EYA1: variants seen among roughly 807,000 people sequenced by gnomAD.
EYA1 encodes EYA transcriptional coactivator and phosphatase 1.
A neutral mutation model predicts 82.0 loss-of-function variants in EYA1; 16 were observed. The observed-to-expected ratio is 0.20, with a 90% CI of 0.13 to 0.30. The LOEUF (loss-of-function observed/expected upper bound fraction) is 0.30, where lower values mean the gene tolerates loss of function less well. Among genes scored for constraint, EYA1 ranks in the 10% least tolerant of loss-of-function variants. The probability of loss-of-function intolerance (pLI) is 1.00; values close to 1 mark genes in which losing one functional copy is unlikely to be tolerated. For missense variants in EYA1, 633 were observed against 730.7 expected (o/e 0.87, Z 1.54); for synonymous variants, 261 against 264.4 (o/e 0.99, Z 0.12).
At chr8:71,331,279 CACACACAT>C (rs1271262815) in intron 4 of EYA1, among the ~76,000 whole-genome samples, 4 of 124,856 alleles carry the variant, frequency 3.2e-5, no homozygotes, top group African/African-American at 1.2e-4. Flanking sequence ...CACACACACA[CACACACAT>C]ATATATACAT....
At position 71,544,817 on chromosome 8, in the gene EYA1, G is replaced by A. The variant is rs185715912; in HGVS notation, c.-73+3047C>T. On this transcript the variant is annotated intron_variant, in intron 1 of 18. Coordinates refer to the EYA1 transcript ENST00000643681. ...TCTGCAAATGGCCTGTTTTCAAGTC[G>A]TAATTCTGCTGTTCTATATTTGGGA... Among the ~76,000 whole-genome samples, 398 of 152,244 alleles carry A rather than the reference G, an allele frequency of 2.6e-3. 2 individuals are homozygous for A. The highest frequency in any genetic ancestry group is 9.1e-3 in the African/African-American group (377 of 41,542).
At chr8:71,284,612 A>C (rs1031296912) in intron 9 of EYA1, among the ~76,000 whole-genome samples, 5 of 152,212 alleles carry the variant, frequency 3.3e-5, no homozygotes, top group Admixed American at 6.5e-5. Context: ...GCTCTAAGTC[A>C]ATAGTTCAAA....
chr8:71,521,924 G>C (rs1813428911), intron 2 of EYA1, among the ~76,000 whole-genome samples: 1 of 152,100 alleles, frequency 6.6e-6, no homozygotes, highest in Non-Finnish European at 1.5e-5. Flanking sequence ...AAAAGAAACA[G>C]GATAAGTTCC....
chr8:71,264,768 C>A (rs137963752), intron 11 of EYA1, among the ~76,000 whole-genome samples: 31 of 151,602 alleles, frequency 2.0e-4, no homozygotes, highest in African/African-American at 7.0e-4. Context: ...TTTTTTGTAG[C>A]GATGGACTCT....
At chr8:71,383,910 T>G (rs1252395422) in intron 2 of EYA1, among the ~76,000 whole-genome samples, 1 of 152,146 alleles carries the variant, frequency 6.6e-6, no homozygotes, top group Non-Finnish European at 1.5e-5. Context: ...AATTATATTA[T>G]TTCTAATTTT....
chr8:71,286,807 T>G (rs1270509714), intron 9 of EYA1, among the ~76,000 whole-genome samples: 3 of 149,022 alleles, frequency 2.0e-5, no homozygotes, highest in Non-Finnish European at 3.0e-5. Context: ...GTTTTTTTTT[T>G]TTTTTTTTTT....
At chr8:71,430,635 G>A (rs1209425428) in intron 2 of EYA1, among the ~76,000 whole-genome samples, 1 of 152,210 alleles carries the variant, frequency 6.6e-6, no homozygotes, top group Non-Finnish European at 1.5e-5. Flanking sequence ...GTAAATAATT[G>A]ATTCCTTTAT....
intron 7 of EYA1, among the ~76,000 whole-genome samples, chr8:71,307,753 G>T (rs550684991): frequency 6.6e-6 from 1 of 152,074 alleles, no homozygotes; most frequent in African/African-American, 2.4e-5. Flanking sequence ...CAAGAACTTC[G>T]CATCCACATA....
At chr8:71,347,885 C>CAAAA (rs5892271) in intron 3 of EYA1, among the ~76,000 whole-genome samples, 8 of 80,862 alleles carry the variant, frequency 9.9e-5, no homozygotes, top group Non-Finnish European at 1.2e-4. Flanking sequence ...TGGAGGCATG[C>CAAAA]AAAAAAAAAA....
At chr8:71,482,539 A>G (rs915028057) in intron 2 of EYA1, among the ~76,000 whole-genome samples, 43 of 152,230 alleles carry the variant, frequency 2.8e-4, no homozygotes, top group African/African-American at 1.0e-3. Context: ...ACTTCTAGGT[A>G]TATACCCAAG....
intron 3 of EYA1, 99 bp from the exon 4 acceptor site, chr8:71,334,273 T>C (rs754279051): frequency 2.0e-6 from 2 of 988,538 alleles, no homozygotes; most frequent in South Asian, 1.3e-5. Context: ...AAGAAAATCA[T>C]TTCAAAAAAC....
At position 71,521,314 on chromosome 8, in the gene EYA1, A is replaced by G. The variant is rs1813381432; in HGVS notation, c.33+14430T>C. Among the ~76,000 whole-genome samples the G allele has an allele frequency of 3.3e-5, 5 of 152,172 alleles. 1 individual carries two copies. In the South Asian group the frequency reaches 1.0e-3, roughly 32 times the overall value. On this transcript the variant is annotated intron_variant, in intron 2 of 18. Coordinates refer to the EYA1 transcript ENST00000643681. The stretch of plus-strand genomic sequence containing the variant: ...ACCACTCACATTTCAGTGACGTGGA[A>G]TTAAGGCTAAGATCATCATATTTGT...
intron 2 of EYA1, among the ~76,000 whole-genome samples, chr8:71,533,734 C>T (rs571735006): frequency 1.3e-5 from 2 of 152,302 alleles, no homozygotes; most frequent in South Asian, 4.1e-4. Context: ...AGTCCTCACA[C>T]GAGGCCTCTG....
chr8:71,234,234 G>A (rs1402719901), intron 12 of EYA1, among the ~76,000 whole-genome samples: 1 of 152,028 alleles, frequency 6.6e-6, no homozygotes, highest in Non-Finnish European at 1.5e-5. Context: ...AATCATTCCT[G>A]CTGACATCCA....
intron 2 of EYA1, among the ~76,000 whole-genome samples, chr8:71,452,553 T>A (rs1007702379): frequency 6.6e-6 from 1 of 152,130 alleles, no homozygotes; most frequent in Non-Finnish European, 1.5e-5. Context: ...CACGACTGGG[T>A]ACCCCTCTGA....
intron 9 of EYA1, among the ~76,000 whole-genome samples, chr8:71,277,785 T>C (rs1045393517): frequency 3.9e-5 from 6 of 152,198 alleles, no homozygotes; most frequent in African/African-American, 1.2e-4. Context: ...ATTAGAAAAA[T>C]GTTTCTTCAG....
intron 12 of EYA1, among the ~76,000 whole-genome samples, chr8:71,239,046 T>G (rs1321810916): frequency 1.3e-5 from 2 of 152,108 alleles, no homozygotes; most frequent in Non-Finnish European, 2.9e-5. Flanking sequence ...TTAAATATAC[T>G]TTTATATTTC....
At chr8:71,292,932 T>G (rs904645401) in intron 9 of EYA1, among the ~76,000 whole-genome samples, 1 of 151,536 alleles carries the variant, frequency 6.6e-6, no homozygotes, top group East Asian at 1.9e-4. Flanking sequence ...CAGAAAAAAA[T>G]TATGAAATAA....
chr8:71,219,166 C>T (rs1208939264), intron 12 of EYA1, among the ~76,000 whole-genome samples: 1 of 152,180 alleles, frequency 6.6e-6, no homozygotes, highest in Non-Finnish European at 1.5e-5. Flanking sequence ...CTCCTGCCAG[C>T]TTCATTTAAA....
Sources: allele counts gnomAD v4.1 joint callset (sites outside exome capture counted in the v4.1 genomes callset), GRCh38; gene constraint gnomAD v4.1.1; transcripts MANE v1.5; gene names NCBI Gene and HGNC (gene_info 2026-07-23, HGNC 2026-07-21).